Variants in SPPL3 observed in about 807,000 individuals in gnomAD.
SPPL3 encodes the protein signal peptide peptidase-like 3.
In SPPL3, 5 loss-of-function variants were observed where a neutral mutation model predicts 42.4. The observed-to-expected ratio is 0.12, with a 90% CI of 0.06 to 0.25. The LOEUF (loss-of-function observed/expected upper bound fraction) is 0.25. Ranked by LOEUF, SPPL3 falls within the 10% of genes least tolerant of loss-of-function variation. The pLI is 1.00. For synonymous variants in SPPL3, 195 were observed against 181.8 expected, an observed-to-expected ratio of 1.07 and a Z score of -0.58; for missense variants, 235 against 489.0, an observed-to-expected ratio of 0.48 and a Z score of 4.90.
At chr12:120,811,277 G>A (rs1870676209) in intron 1 of SPPL3, 1 of 156,476 alleles carries the variant, frequency 6.4e-6, no homozygotes, top group Non-Finnish European at 1.4e-5. Flanking sequence ...GTATTTTACT[G>A]GTTTTGCTCG....
chr12:120,844,168 C>T (rs1871938754), intron 1 of SPPL3, among the ~76,000 whole-genome samples: 1 of 152,138 alleles, frequency 6.6e-6, no homozygotes, highest in Admixed American at 6.6e-5. Context: ...CAAAAACCTG[C>T]TTTCCCCCCA....
chr12:120,763,945 G>A lies in SPPL3; in HGVS notation c.*1054C>T, dbSNP rs1248768672. 1 of 152,096 alleles carries A rather than the reference G, an allele frequency of 6.6e-6. No homozygotes were observed. Among genetic ancestry groups the A allele is most frequent in the Non-Finnish European group, 1.5e-5 (1 of 68,014 alleles). 9.4% of individuals were successfully genotyped at this position (152,096 alleles called of 1,614,324 possible). A position where few individuals can be genotyped will look rare whatever the true frequency, so the allele number is the denominator to read the frequency against. ...AGTAGTACGTTACTATGATGAGAAA[G>A]CACAAAGACACCTGCTGCTATAATA... On this transcript the variant is annotated 3_prime_UTR_variant, in exon 11 of 11. Coordinates refer to ENST00000353487, the MANE Select transcript of SPPL3 (RefSeq NM_139015.5).
At chr12:120,782,514 C>T (rs1239187581) in intron 6 of SPPL3, 141 bp downstream of exon 6, 9 of 583,964 alleles carry the variant, frequency 1.5e-5, no homozygotes, top group Non-Finnish European at 2.4e-5. Context: ...GGAATGACCG[C>T]TCATTTGTTT....
In SPPL3 at chr12:120,845,124, G is replaced by A. The variant is rs1871975712; in HGVS notation, c.24-34238C>T. ...GGTGTCGCATTCACTTCTGGTTCCG[G>A]AGCGGACTAGACAGCCAGCCCAGTC... is the stretch of plus-strand genomic sequence containing the variant. On this transcript the variant is annotated intron_variant, in intron 1 of 10. Transcript: ENST00000353487. 7.1e-6 allele frequency: 3 copies of A among 423,802 alleles called. No homozygotes were observed. In the Admixed American group the frequency reaches 8.6e-5, roughly 12 times the overall value. The allele number at this position is 423,802 out of a possible 1,614,324, so 26.3% of individuals were successfully genotyped here. A position where few individuals can be genotyped will look rare whatever the true frequency, so the allele number is the denominator to read the frequency against.
At chr12:120,825,652 GGTTT>G (rs1301852884) in intron 1 of SPPL3, among the ~76,000 whole-genome samples, 3 of 152,260 alleles carry the variant, frequency 2.0e-5, no homozygotes, top group African/African-American at 7.2e-5. Context: ...TTGAAGTCAA[GGTTT>G]GTTAGCAGGA....
chr12:120,787,114 A>G (rs1350383938), intron 3 of SPPL3, among the ~76,000 whole-genome samples: 1 of 152,208 alleles, frequency 6.6e-6, no homozygotes, highest in Non-Finnish European at 1.5e-5. Context: ...ACCTCCCTGT[A>G]AGAACGATGC....
chr12:120,787,228 A>C (rs1355918742), intron 3 of SPPL3, among the ~76,000 whole-genome samples: 1 of 152,230 alleles, frequency 6.6e-6, no homozygotes, highest in African/African-American at 2.4e-5. Context: ...CAAGAAGATT[A>C]AGATGTATAC....
intron 1 of SPPL3, among the ~76,000 whole-genome samples, chr12:120,836,872 T>C (rs1871637729): frequency 6.6e-6 from 1 of 152,134 alleles, no homozygotes; most frequent in African/African-American, 2.4e-5. Context: ...TAACCAGGGG[T>C]ATCTGAATAA....
chr12:120,795,265 C>T (rs1202248250), intron 2 of SPPL3, among the ~76,000 whole-genome samples: 1 of 152,180 alleles, frequency 6.6e-6, no homozygotes, highest in African/African-American at 2.4e-5. Flanking sequence ...TTATCTTTTA[C>T]ACAACTGTAA....
In SPPL3 at chr12:120,763,681, CCA is replaced by C. The variant is rs1297466965; in HGVS notation, c.*1316_*1317del. The C allele has an allele frequency of 7.2e-5, 11 of 153,160 alleles. No homozygotes were observed. The highest frequency in any genetic ancestry group is 1.3e-4 in the Admixed American group (2 of 15,306). 9.5% of individuals were successfully genotyped at this position (153,160 alleles called of 1,614,324 possible). A position where few individuals can be genotyped will look rare whatever the true frequency, so the allele number is the denominator to read the frequency against. ...CAGGACACAGCAGCTGGTTCTTTCC[CCA>C]GTTACTGGAATTTAGGGCCCATCTC... is the stretch of plus-strand genomic sequence containing the variant. On this transcript the variant is annotated 3_prime_UTR_variant, in exon 11 of 11. Coordinates refer to ENST00000353487, the MANE Select transcript of SPPL3 (RefSeq NM_139015.5).
intron 7 of SPPL3, 35 bp downstream of exon 7, chr12:120,768,915 CAAA>C: frequency 6.5e-7 from 1 of 1,544,250 alleles, no homozygotes; most frequent in Non-Finnish European, 8.8e-7. Context: ...CACTTCAACA[CAAA>C]GAAGGGGAGG....
At chr12:120,777,353 T>C (rs916199519) in intron 6 of SPPL3, among the ~76,000 whole-genome samples, 1 of 152,246 alleles carries the variant, frequency 6.6e-6, no homozygotes, top group Non-Finnish European at 1.5e-5. Flanking sequence ...TCAAGATTCC[T>C]TAATATTGTA....
intron 1 of SPPL3, among the ~76,000 whole-genome samples, chr12:120,868,720 T>C (rs1020756372): frequency 1.3e-5 from 2 of 152,122 alleles, no homozygotes; most frequent in Non-Finnish European, 2.9e-5. Flanking sequence ...GACCTCGTCA[T>C]CCACCCACCT....
chr12:120,775,335 A>G (rs1869276564), intron 6 of SPPL3, among the ~76,000 whole-genome samples: 1 of 152,096 alleles, frequency 6.6e-6, no homozygotes, highest in Admixed American at 6.6e-5. Flanking sequence ...TATTTTTAGT[A>G]GAGATGGGGT....
chr12:120,809,622 T>C (rs963148412), intron 2 of SPPL3, among the ~76,000 whole-genome samples: 4 of 152,192 alleles, frequency 2.6e-5, no homozygotes, highest in Non-Finnish European at 5.9e-5. Flanking sequence ...TATACAACCA[T>C]TAAAGTTCCT....
chr12:120,821,910 A>G (rs1239656140), intron 1 of SPPL3, among the ~76,000 whole-genome samples: 1 of 152,208 alleles, frequency 6.6e-6, no homozygotes, highest in East Asian at 1.9e-4. Flanking sequence ...AATATTATTC[A>G]TCCTTAAAAA....
intron 1 of SPPL3, among the ~76,000 whole-genome samples, chr12:120,872,781 T>G (rs1009319141): frequency 1.3e-5 from 2 of 152,062 alleles, no homozygotes; most frequent in Non-Finnish European, 2.9e-5. Flanking sequence ...AACACCTTAG[T>G]AGGGGGGCCA....
intron 1 of SPPL3, among the ~76,000 whole-genome samples, chr12:120,825,774 A>T (rs1871214444): frequency 6.6e-6 from 1 of 152,196 alleles, no homozygotes; most frequent in Admixed American, 6.5e-5. Flanking sequence ...GTCAGGCAGA[A>T]ATATTCAGTG....
intron 1 of SPPL3, chr12:120,901,761 T>C: frequency 2.5e-6 from 1 of 402,338 alleles, no homozygotes; most frequent in Non-Finnish European, 3.4e-6. Context: ...CAAACAGAGC[T>C]GACATTGAAG....
Sources: gnomAD v4.1 joint callset for allele counts (sites outside exome capture counted in the v4.1 genomes callset) on GRCh38, gnomAD v4.1.1 for gene constraint, MANE v1.5 for transcripts, NCBI Gene and HGNC (gene_info 2026-07-23, HGNC 2026-07-21) for gene names.